Variants in ARHGAP28 observed in about 807,000 individuals in gnomAD.
ARHGAP28 encodes rho GTPase-activating protein 28.
A neutral mutation model predicts 90.7 loss-of-function variants in ARHGAP28; 56 were observed. The observed-to-expected ratio is 0.62, with a 90% CI of 0.50 to 0.77. The LOEUF (loss-of-function observed/expected upper bound fraction) is 0.77. Among genes scored for constraint, ARHGAP28 ranks in the 30% least tolerant of loss-of-function variants. ARHGAP28 has a pLI of 0.00. For synonymous variants in ARHGAP28, 308 were observed against 323.3 expected, an observed-to-expected ratio of 0.95 and a Z score of 0.51; for missense variants, 869 against 900.9, an observed-to-expected ratio of 0.96 and a Z score of 0.45.
chr18:6,857,081 G>A (rs1407767777), intron 4 of ARHGAP28, among the ~76,000 whole-genome samples: 4 of 152,150 alleles, frequency 2.6e-5, no homozygotes, highest in Non-Finnish European at 5.9e-5. Flanking sequence ...GTAGAATAAA[G>A]TATATAAATT....
At chr18:6,874,749 G>A (rs537197194) in intron 9 of ARHGAP28, 2 of 152,254 alleles carry the variant, frequency 1.3e-5, no homozygotes, top group South Asian at 4.2e-4. Flanking sequence ...GCACCGAGAT[G>A]GCCAGAGGAT....
chr18:6,739,798 TAGTTAAAAAC>T (rs1289867558), intron 1 of ARHGAP28, among the ~76,000 whole-genome samples: 1 of 152,030 alleles, frequency 6.6e-6, no homozygotes, highest in Non-Finnish European at 1.5e-5. Context: ...TATATTTCTA[TAGTTAAAAAC>T]ATTTTTTTGT....
intron 3 of ARHGAP28, among the ~76,000 whole-genome samples, chr18:6,845,505 G>A (rs145817020): frequency 3.5e-4 from 53 of 152,238 alleles, no homozygotes; most frequent in African/African-American, 1.2e-3. Flanking sequence ...GTGTTTTGCT[G>A]CACAGATCAA....
At chr18:6,760,204 T>A (rs958878556) in intron 1 of ARHGAP28, among the ~76,000 whole-genome samples, 2 of 152,170 alleles carry the variant, frequency 1.3e-5, no homozygotes, top group African/African-American at 2.4e-5. Flanking sequence ...CTTTAAAAGT[T>A]TGGTGACAGT....
chr18:6,906,031 C>T (rs1449218236), intron 16 of ARHGAP28, among the ~76,000 whole-genome samples: 1 of 151,986 alleles, frequency 6.6e-6, no homozygotes, highest in Admixed American at 6.6e-5. Flanking sequence ...TAAACATGCA[C>T]AAGCTTATTC....
chr18:6,870,611 AC>A lies in ARHGAP28; in HGVS notation c.834del (p.Asn278LysfsTer23), dbSNP rs2057076095. The A allele has an allele frequency of 6.2e-7, 1 of 1,611,988 alleles. No homozygotes were observed. On this transcript the variant is annotated frameshift_variant, in exon 7 of 18. Coordinates refer to ENST00000383472, the MANE Select transcript of ARHGAP28 (RefSeq NM_001366230.1). LOFTEE classifies it high-confidence loss of function. ...AISDDDFLEKNIPPEAEELSF... is the reference protein window; with the variant it reads ...AISDDDFLEKXIPPEAEELSF... ...TTAGATGATGATTTTCTGGAAAAGA[AC>A]ATTCCACCAGAGGCTGAAGAGCTGT...
intron 2 of ARHGAP28, among the ~76,000 whole-genome samples, chr18:6,831,474 T>TTTG (rs1457562349): frequency 5.6e-3 from 117 of 20,926 alleles, no homozygotes; most frequent in African/African-American, 9.8e-3. Context: ...TCTTGATGTT[T>TTTG]TTTTTTTTTT....
intron 1 of ARHGAP28, among the ~76,000 whole-genome samples, chr18:6,785,875 T>C (rs1366515854): frequency 1.3e-5 from 2 of 152,126 alleles, no homozygotes; most frequent in Admixed American, 1.3e-4. Context: ...AAAAATGAAA[T>C]AGAAAAGGAA....
chr18:6,806,418 G>A (rs2056519537), intron 1 of ARHGAP28, among the ~76,000 whole-genome samples: 2 of 151,892 alleles, frequency 1.3e-5, no homozygotes, highest in Admixed American at 6.6e-5. Context: ...TAGTGAATTT[G>A]TAGGCAAAAG....
intron 3 of ARHGAP28, among the ~76,000 whole-genome samples, chr18:6,846,082 G>A (rs2056863832): frequency 6.6e-6 from 1 of 152,196 alleles, no homozygotes; most frequent in African/African-American, 2.4e-5. Context: ...ATCGTGAATA[G>A]GAGCGATAGA....
intron 3 of ARHGAP28, among the ~76,000 whole-genome samples, chr18:6,841,180 CCT>C (rs143797436): frequency 0.017 from 996 of 56,986 alleles, 32 homozygotes; most frequent in East Asian, 0.13. Context: ...CTCTCTCTCT[CCT>C]CTCTCTCTCT....
At chr18:6,772,624 C>T (rs528572895) in intron 1 of ARHGAP28, among the ~76,000 whole-genome samples, 13 of 152,204 alleles carry the variant, frequency 8.5e-5, no homozygotes, top group Admixed American at 1.3e-4. Flanking sequence ...ATAATGAGCA[C>T]GTTTATGGTA....
At chr18:6,789,155 G>A (rs1319028069) in intron 1 of ARHGAP28, 2 of 152,214 alleles carry the variant, frequency 1.3e-5, no homozygotes, top group Non-Finnish European at 1.5e-5. Flanking sequence ...CAGGGGATCA[G>A]GCTGAAGAAA....
intron 1 of ARHGAP28, among the ~76,000 whole-genome samples, chr18:6,787,869 C>T (rs1211534240): frequency 6.6e-6 from 1 of 152,038 alleles, no homozygotes; most frequent in Non-Finnish European, 1.5e-5. Flanking sequence ...AATTCCTATC[C>T]ATCACAGTTG....
intron 1 of ARHGAP28, among the ~76,000 whole-genome samples, chr18:6,757,656 T>G (rs1282842662): frequency 6.6e-6 from 1 of 152,164 alleles, no homozygotes; most frequent in Non-Finnish European, 1.5e-5. Flanking sequence ...TTCCAAAATT[T>G]TGTTATCTCT....
At chr18:6,758,411 C>T (rs1312940401) in intron 1 of ARHGAP28, among the ~76,000 whole-genome samples, 1 of 152,042 alleles carries the variant, frequency 6.6e-6, no homozygotes, top group African/African-American at 2.4e-5. Context: ...GAAACTTCTG[C>T]CTCCCGAGTT....
At chr18:6,746,087 T>G (rs573326547) in intron 1 of ARHGAP28, among the ~76,000 whole-genome samples, 16 of 152,330 alleles carry the variant, frequency 1.1e-4, no homozygotes, top group Middle Eastern at 3.4e-3. Flanking sequence ...CTATTTTCCC[T>G]GTAGTGATCC....
chr18:6,795,592 T>C (rs2056436261), intron 1 of ARHGAP28, among the ~76,000 whole-genome samples: 1 of 152,204 alleles, frequency 6.6e-6, no homozygotes. Flanking sequence ...CGTGTAGCCA[T>C]GGACTATGCA....
intron 1 of ARHGAP28, among the ~76,000 whole-genome samples, chr18:6,762,277 C>A (rs1259132340): frequency 6.6e-6 from 1 of 152,158 alleles, no homozygotes; most frequent in Non-Finnish European, 1.5e-5. Context: ...CACACACACA[C>A]CCTACTTGAA....
Sources: allele counts gnomAD v4.1 joint callset (sites outside exome capture counted in the v4.1 genomes callset), GRCh38; gene constraint gnomAD v4.1.1; transcripts MANE v1.5; gene names NCBI Gene and HGNC (gene_info 2026-07-23, HGNC 2026-07-21).